Variants in DLGAP2 observed in about 807,000 individuals in gnomAD.
The protein encoded by DLGAP2 is DLG associated protein 2.
In DLGAP2, 26 loss-of-function variants were observed where a neutral mutation model predicts 100.3. The observed-to-expected ratio is 0.26, with a 90% confidence interval of 0.19 to 0.36. The LOEUF is 0.36. Ranked by LOEUF, DLGAP2 falls within the 10% of genes least tolerant of loss-of-function variation. The pLI is 1.00. For synonymous variants in DLGAP2, 886 were observed against 630.1 expected (o/e 1.41, Z -6.08); for missense variants, 1,858 against 1,453.2 (o/e 1.28, Z -4.53).
At chr8:1,297,928 G>A (rs1800227540) in intron 3 of DLGAP2, among the ~76,000 whole-genome samples, 2 of 46,446 alleles carry the variant, frequency 4.3e-5, no homozygotes, top group Non-Finnish European at 4.1e-5. Flanking sequence ...CGTGAGACAG[G>A]GAGGAGAAAC....
intron 2 of DLGAP2, among the ~76,000 whole-genome samples, chr8:1,090,099 G>A (rs1164299413): frequency 6.9e-6 from 1 of 144,636 alleles, no homozygotes; most frequent in Admixed American, 6.8e-5. Context: ...TGGGCAGACA[G>A]GGGTGGAAAC....
intron 2 of DLGAP2, among the ~76,000 whole-genome samples, chr8:1,163,483 A>G (rs902163035): frequency 1.3e-5 from 2 of 152,210 alleles, no homozygotes; most frequent in African/African-American, 4.8e-5. Flanking sequence ...GATGCCAGTG[A>G]CAATTATTTA....
At chr8:1,240,170 A>T (rs1798754799) in intron 2 of DLGAP2, among the ~76,000 whole-genome samples, 1 of 139,480 alleles carries the variant, frequency 7.2e-6, no homozygotes, top group African/African-American at 2.8e-5. Flanking sequence ...TGTCATGTCT[A>T]GTTCTCTCTC....
chr8:1,342,669 C>T (rs1433756226), intron 3 of DLGAP2, among the ~76,000 whole-genome samples: 2 of 152,182 alleles, frequency 1.3e-5, no homozygotes, highest in African/African-American at 2.4e-5. Context: ...TCTGTTATTT[C>T]TCATCCCTAA....
At chr8:907,838 T>C (rs564833346) in intron 1 of DLGAP2, 74 bp from the exon 2 acceptor site, 57 of 398,070 alleles carry the variant, frequency 1.4e-4, no homozygotes, top group South Asian at 1.4e-3. Context: ...GAAGAAACAC[T>C]CGCAACAGTT....
intron 2 of DLGAP2, among the ~76,000 whole-genome samples, chr8:1,165,230 A>C: frequency 6.6e-6 from 1 of 150,942 alleles, no homozygotes; most frequent in African/African-American, 2.4e-5. Context: ...GGCGGGAGGA[A>C]CAGAGGCAGA....
intron 3 of DLGAP2, among the ~76,000 whole-genome samples, chr8:1,331,861 C>T (rs1801165135): frequency 6.6e-6 from 1 of 152,198 alleles, no homozygotes. Flanking sequence ...GATCCCTCCT[C>T]TCAGGCCTGC....
chr8:1,616,406 C>G (rs1361260026), intron 6 of DLGAP2, among the ~76,000 whole-genome samples: 1 of 151,948 alleles, frequency 6.6e-6, no homozygotes, highest in Admixed American at 6.6e-5. Context: ...TCAGTGAACT[C>G]TAAGAAGATA....
At chr8:1,039,439 G>A (rs1052916364) in intron 2 of DLGAP2, among the ~76,000 whole-genome samples, 3 of 148,602 alleles carry the variant, frequency 2.0e-5, no homozygotes, top group East Asian at 2.0e-4. Flanking sequence ...TAGTCGGCTC[G>A]GTGTGTGTGG....
chr8:1,308,667 A>T (rs1800546495), intron 3 of DLGAP2, among the ~76,000 whole-genome samples: 1 of 152,148 alleles, frequency 6.6e-6, no homozygotes, highest in Admixed American at 6.5e-5. Flanking sequence ...TTGGGACTAC[A>T]GGTGCCCGCT....
chr8:1,659,103 G>T (rs1203300713), intron 8 of DLGAP2, among the ~76,000 whole-genome samples: 1 of 152,172 alleles, frequency 6.6e-6, no homozygotes, highest in Non-Finnish European at 1.5e-5. Flanking sequence ...TATTTACCCA[G>T]TAGTCATTCA....
intron 2 of DLGAP2, among the ~76,000 whole-genome samples, chr8:1,122,085 G>A (rs1032731185): frequency 6.6e-6 from 1 of 152,188 alleles, no homozygotes; most frequent in Admixed American, 6.5e-5. Flanking sequence ...GCCAGAGATT[G>A]CACTCCCTTA....
chr8:1,618,048 C>G (rs780520671), intron 6 of DLGAP2, among the ~76,000 whole-genome samples: 7 of 152,146 alleles, frequency 4.6e-5, no homozygotes, highest in East Asian at 1.9e-4. Context: ...AGATAAAACA[C>G]GAGGATGCCG....
chr8:1,200,563 A>G (rs1797849143), intron 2 of DLGAP2, among the ~76,000 whole-genome samples: 1 of 152,144 alleles, frequency 6.6e-6, no homozygotes, highest in Non-Finnish European at 1.5e-5. Flanking sequence ...GGACCTCCGG[A>G]AAGAGCCTCC....
intron 2 of DLGAP2, among the ~76,000 whole-genome samples, chr8:1,005,964 G>A (rs1377491729): frequency 6.6e-6 from 1 of 152,114 alleles, no homozygotes; most frequent in Non-Finnish European, 1.5e-5. Context: ...GCTGAGGCGG[G>A]CAAATCACGA....
intron 3 of DLGAP2, among the ~76,000 whole-genome samples, chr8:1,286,058 A>G (rs1252716715): frequency 2.0e-5 from 3 of 152,194 alleles, no homozygotes; most frequent in Non-Finnish European, 4.4e-5. Flanking sequence ...CCGAAATCTC[A>G]CCTTGAGTTG....
At chr8:1,264,003 G>A (rs1035382581) in intron 3 of DLGAP2, among the ~76,000 whole-genome samples, 3 of 152,146 alleles carry the variant, frequency 2.0e-5, no homozygotes, top group Admixed American at 2.0e-4. Flanking sequence ...GGTTTTGGTG[G>A]AAATCAGAAA....
intron 12 of DLGAP2, among the ~76,000 whole-genome samples, chr8:1,680,351 A>T (rs947314504): frequency 3.3e-5 from 5 of 152,258 alleles, no homozygotes; most frequent in Non-Finnish European, 7.3e-5. Context: ...GCAACAATGA[A>T]ACTACATTGA....
At chr8:1,307,542 C>G (rs895231968) in intron 3 of DLGAP2, among the ~76,000 whole-genome samples, 2 of 152,130 alleles carry the variant, frequency 1.3e-5, no homozygotes, top group Non-Finnish European at 2.9e-5. Context: ...GAAGTGGAAG[C>G]AGGGCTCAGA....
Sources: gnomAD v4.1 joint callset for allele counts (sites outside exome capture counted in the v4.1 genomes callset) on GRCh38, gnomAD v4.1.1 for gene constraint, MANE v1.5 for transcripts, NCBI Gene and HGNC (gene_info 2026-07-23, HGNC 2026-07-21) for gene names.